PLEKHO1: variants seen among roughly 807,000 people sequenced by gnomAD.
PLEKHO1 encodes pleckstrin homology domain-containing family O member 1.
A neutral mutation model predicts 41.4 loss-of-function variants in PLEKHO1; 22 were observed. The ratio of observed to expected loss-of-function variants is 0.53; its 90% CI spans 0.38 to 0.76. PLEKHO1 has a LOEUF of 0.76. PLEKHO1 is among the 30% of genes least tolerant of loss of function. PLEKHO1 has a pLI of 0.00. For synonymous variants in PLEKHO1, 225 were observed against 210.8 expected, an observed-to-expected ratio of 1.07 and a Z score of -0.58; for missense variants, 488 against 518.3, an observed-to-expected ratio of 0.94 and a Z score of 0.57.
chr1:150,150,944 G>T lies in PLEKHO1; in HGVS notation c.63G>T (p.Pro21=), dbSNP rs1203620092. ...AGGATGGAAACCAGCAGCCTGCACC[G>T]CCCGAGAAGGTCGGCTGGGTCCGGA... is the stretch of plus-strand genomic sequence containing the variant. ...GPQDGNQQPA[P]PEKVGWVRKF... The change falls in exon 2 of 6, where the codon CCG becomes CCT. Residue 21 remains proline, a synonymous_variant. Transcript: ENST00000369124. 1.2e-6 allele frequency: 2 copies of T among 1,613,908 alleles called. No homozygotes were observed. Among genetic ancestry groups the T allele is most frequent in the Admixed American group, 1.7e-5 (1 of 60,012 alleles).
In PLEKHO1 at chr1:150,158,991, C is replaced by G; in HGVS notation, c.698C>G (p.Ser233Cys). 1 of 1,614,206 alleles carries G rather than the reference C, an allele frequency of 6.2e-7. No individual in the cohort carries two copies. The highest frequency in any genetic ancestry group is 2.2e-5 in the East Asian group (1 of 44,876). The change falls in exon 6 of 6, where the codon TCC (serine) becomes TGC (cysteine). Residue 233 changes from serine (S) to cysteine (C), a missense_variant. Physicochemically the swap from Ser to Cys is moderately radical, Grantham distance 112 (BLOSUM62 -1). Coordinates refer to ENST00000369124, the MANE Select transcript of PLEKHO1 (RefSeq NM_016274.6). The part of the protein sequence containing the change: ...RRADSDRIQP[S>C]ADRASSLSRP... ...GCGGACTCAGACCGCATCCAGCCCT[C>G]CGCAGACCGGGCAAGCAGTCTCTCC...
chr1:150,155,908 T>C (rs1337711077), intron 2 of PLEKHO1, 158 bp from the exon 3 acceptor site: 2 of 659,968 alleles, frequency 3.0e-6, no homozygotes, highest in Non-Finnish European at 5.3e-6. Flanking sequence ...CTCCTCGATG[T>C]GAGGACCTTG....
Position 150,158,810 on chromosome 1 carries a change from C to T in PLEKHO1, c.526-9C>T. 4.4e-6 allele frequency: 7 copies of T among 1,578,354 alleles called. No homozygotes were observed. The highest frequency in any genetic ancestry group is 5.2e-6 in the Non-Finnish European group (6 of 1,154,282). ...CAGGTTCCCCACTCATTCCCCCCTT[C>T]CTCCACAGGCTTCCACCTCTACCTC... On this transcript the variant is annotated splice_polypyrimidine_tract_variant and intron_variant, in intron 5 of 5. Transcript: ENST00000369124.
rs1553821122 is a variant in PLEKHO1, at chr1:150,158,881, C to G, written c.588C>G (p.Ser196=). The change falls in exon 6 of 6, where the codon TCC becomes TCG. Residue 196 remains serine (S), a synonymous_variant. Coordinates refer to ENST00000369124, the MANE Select transcript of PLEKHO1 (RefSeq NM_016274.6). ...ACTTGATCCAAGAGGAAGACCCTTC[C>G]CCTGAGGAACCAACCTCTTGTGCTG... ...TLDLIQEEDP[S]PEEPTSCAES... is the part of the protein sequence containing the mutation. The G allele has an allele frequency of 6.2e-7, 1 of 1,614,038 alleles. No individual in the cohort carries two copies. Among genetic ancestry groups the G allele is most frequent in the Non-Finnish European group, 8.5e-7 (1 of 1,179,940 alleles).
Position 150,159,489 on chromosome 1 carries a change from C to A in PLEKHO1, c.1196C>A (p.Thr399Asn), listed in dbSNP as rs587719580. The A allele has an allele frequency of 9.9e-6, 16 of 1,612,566 alleles. No homozygotes were observed. In the African/African-American group the frequency reaches 2.0e-4, roughly 20 times the overall value. Residue 399 changes from threonine to asparagine, a missense_variant, in exon 6 of 6, where the codon ACC becomes AAC. Around this residue, in one of 3 missense-constraint regions of PLEKHO1, gnomAD observed 337 missense variants for 324.6 expected, o/e 1.04. Transcript: ENST00000369124. ...CCGGACTCCCACCTCAGACAGACCA[C>A]CCCGCACAGTCAGTACCGGAAGAGC... ...QTPDSHLRQT[T>N]PHSQYRKSLM is the part of the protein sequence containing the mutation.
At position 150,151,434 on chromosome 1, in the gene PLEKHO1, G is replaced by GTCC. The variant is rs1476110253; in HGVS notation, c.177+377_177+379dup. Among the ~76,000 whole-genome samples the GTCC allele has an allele frequency of 3.9e-5, 6 of 152,016 alleles. No homozygotes were observed. In the East Asian group the frequency reaches 1.2e-3, roughly 29 times the overall value. On this transcript the variant is annotated intron_variant, in intron 2 of 5. Coordinates refer to ENST00000369124, the MANE Select transcript of PLEKHO1 (RefSeq NM_016274.6). The stretch of plus-strand genomic sequence containing the variant: ...TTTAGCCTATTCGCCACCCCTTCCT[G>GTCC]TCCCCCCACCTTAACCCAGCCAGCC...
chr1:150,158,215 G>C (rs1660258407), intron 5 of PLEKHO1, among the ~76,000 whole-genome samples: 1 of 152,194 alleles, frequency 6.6e-6, no homozygotes, highest in South Asian at 2.1e-4. Flanking sequence ...GTGTGCATCA[G>C]ATGCAGTTTA....
chr1:150,156,085 T>C lies in PLEKHO1; in HGVS notation c.197T>C (p.Ile66Thr). The change falls in exon 3 of 6, where the codon ATT (isoleucine) becomes ACT (threonine). Residue 66 changes from isoleucine to threonine, a missense_variant. Ile to Thr is a moderately conservative substitution (Grantham distance 89, BLOSUM62 -1). Coordinates refer to ENST00000369124, the MANE Select transcript of PLEKHO1 (RefSeq NM_016274.6). ...CCCTAGGTAAAAGATGAGAAAAATATTCAAGAGGTATTTGACCTGAGTGAC... is the reference window on the plus strand; with the variant it reads ...CCCTAGGTAAAAGATGAGAAAAATACTCAAGAGGTATTTGACCTGAGTGAC... ...SEKEVKDEKN[I>T]QEVFDLSDYE... 1 of 1,613,512 alleles carries C rather than the reference T, an allele frequency of 6.2e-7. No homozygotes were observed. Among genetic ancestry groups the C allele is most frequent in the African/African-American group, 1.3e-5 (1 of 74,996 alleles).
chr1:150,153,543 GA>G (rs1158998565), intron 2 of PLEKHO1: 1 of 151,654 alleles, frequency 6.6e-6, no homozygotes, highest in Non-Finnish European at 1.5e-5. Context: ...GTTAATGCAA[GA>G]AAATTTCTAA....
chr1:150,157,912 T>C (rs1660243605), intron 5 of PLEKHO1, among the ~76,000 whole-genome samples: 1 of 152,198 alleles, frequency 6.6e-6, no homozygotes, highest in South Asian at 2.1e-4. Context: ...GCAGGTATAA[T>C]GCAGAGAACA....
In PLEKHO1 at chr1:150,150,978, G is replaced by C; in HGVS notation, c.97G>C (p.Gly33Arg). The change falls in exon 2 of 6, where the codon GGG (glycine) becomes CGG (arginine). Residue 33 changes from glycine to arginine, a missense_variant. By Grantham distance (125) the Gly-to-Arg change is moderately radical (BLOSUM62 -2). This residue lies in a region of PLEKHO1 where 92 missense variants were observed against 82.3 expected (regional missense o/e 1.12). Coordinates refer to ENST00000369124, the MANE Select transcript of PLEKHO1 (RefSeq NM_016274.6). ...GGTCGGCTGGGTCCGGAAATTCTGC[G>C]GGAAAGGGATTTTCAGGGAGATTTG... ...EKVGWVRKFC[G>R]KGIFREIWKN... is the part of the protein sequence containing the mutation. The C allele has an allele frequency of 6.2e-7, 1 of 1,614,140 alleles. No homozygotes were observed. Among genetic ancestry groups the C allele is most frequent in the South Asian group, 1.1e-5 (1 of 91,074 alleles).
chr1:150,159,826 G>A lies in PLEKHO1; in HGVS notation c.*303G>A, dbSNP rs782395428. On this transcript the variant is annotated 3_prime_UTR_variant, in exon 6 of 6. Transcript: ENST00000369124. ...TCCACACACCGCCCGCCCCCAAGAC[G>A]GCACAGGGAGTCCACTGCTGCTCCC... The A allele has an allele frequency of 3.9e-5, 10 of 259,448 alleles. 1 individual carries two copies. Among genetic ancestry groups the A allele is most frequent in the South Asian group, 2.0e-4 (2 of 10,100 alleles). 16.1% of individuals were successfully genotyped at this position (259,448 alleles called of 1,614,324 possible).
Position 150,156,184 on chromosome 1 carries a change from A to C in PLEKHO1, c.296A>C (p.His99Pro). 2 of 1,613,596 alleles carry C rather than the reference A, an allele frequency of 1.2e-6. No individual in the cohort carries two copies. The highest frequency in any genetic ancestry group is 1.7e-6 in the Non-Finnish European group (2 of 1,179,828). The change falls in exon 3 of 6, where the codon CAC (histidine) becomes CCC (proline). Residue 99 changes from histidine (H) to proline (P), a missense_variant. By Grantham distance (77) the His-to-Pro change is moderately conservative. Around this residue, in one of 3 missense-constraint regions of PLEKHO1, gnomAD observed 59 missense variants for 111.5 expected, o/e 0.53. Coordinates refer to ENST00000369124, the MANE Select transcript of PLEKHO1 (RefSeq NM_016274.6). ...AATCATAGCAAGTTTACTCTTGCCC[A>C]CTCCAAACAGCCCGGTAACACGGTA... ...KKNHSKFTLAHSKQPGNTAPN... is the reference protein window; with the variant it reads ...KKNHSKFTLAPSKQPGNTAPN...
At position 150,151,010 on chromosome 1, in the gene PLEKHO1, C is replaced by A; in HGVS notation, c.129C>A (p.Asn43Lys). Residue 43 changes from asparagine to lysine, a missense_variant, in exon 2 of 6, where the codon AAC becomes AAA. Around this residue, in one of 3 missense-constraint regions of PLEKHO1, gnomAD observed 92 missense variants for 82.3 expected, o/e 1.12. Coordinates refer to ENST00000369124, the MANE Select transcript of PLEKHO1 (RefSeq NM_016274.6). ...GKGIFREIWK[N>K]RYVVLKGDQL... The stretch of plus-strand genomic sequence containing the variant: ...GGATTTTCAGGGAGATTTGGAAAAA[C>A]CGCTATGTGGTGCTGAAAGGGGACC... 1 of 1,614,150 alleles carries A rather than the reference C, an allele frequency of 6.2e-7. No individual in the cohort carries two copies. Among genetic ancestry groups the A allele is most frequent in the Non-Finnish European group, 8.5e-7 (1 of 1,180,014 alleles).
In PLEKHO1 at chr1:150,159,606, A is replaced by G. The variant is rs907907819; in HGVS notation, c.*83A>G. 1.6e-5 allele frequency: 15 copies of G among 942,722 alleles called. No homozygotes were observed. The African/African-American group carries it at 2.3e-4, about 15-fold the overall frequency. 58.4% of individuals were successfully genotyped at this position (942,722 alleles called of 1,614,324 possible). A position where few individuals can be genotyped will look rare whatever the true frequency, so the allele number is the denominator to read the frequency against. On this transcript the variant is annotated 3_prime_UTR_variant, in exon 6 of 6. Coordinates refer to ENST00000369124, the MANE Select transcript of PLEKHO1 (RefSeq NM_016274.6). ...GGATAAAGCTTTTTTATTTACCTCA[A>G]TCAAAAAAAGAAAACAAAAATGAAC...
At position 150,150,256 on chromosome 1, in the gene PLEKHO1, GAAT is replaced by G. The variant is rs1659826741; in HGVS notation, c.-1_2del. On this transcript the variant is annotated start_lost and 5_prime_UTR_variant, in exon 1 of 6. Coordinates refer to ENST00000369124, the MANE Select transcript of PLEKHO1 (RefSeq NM_016274.6). ...GCCGCCCCGCGCCCGCGCCCGCTGG[GAAT>G]GATGAAGAAGAACAATTCCGCCAAG... The G allele has an allele frequency of 2.7e-6, 3 of 1,108,072 alleles. No individual in the cohort carries two copies. Among genetic ancestry groups the G allele is most frequent in the Non-Finnish European group, 3.3e-6 (3 of 901,506 alleles). 68.6% of individuals were successfully genotyped at this position (1,108,072 alleles called of 1,614,324 possible).
chr1:150,150,171 C>A lies in PLEKHO1; in HGVS notation c.-87C>A. The A allele has an allele frequency of 3.7e-6, 2 of 546,744 alleles. No individual in the cohort carries two copies. The highest frequency in any genetic ancestry group is 4.7e-6 in the Non-Finnish European group (2 of 424,406). 33.9% of individuals were successfully genotyped at this position (546,744 alleles called of 1,614,324 possible). A position where few individuals can be genotyped will look rare whatever the true frequency, so the allele number is the denominator to read the frequency against. ...CGCCGGGGCAGCTCCGACGCCCTCC[C>A]GCGGGGAAGGAGCCCCCGCGGTGCC... On this transcript the variant is annotated 5_prime_UTR_variant, in exon 1 of 6. Coordinates refer to ENST00000369124, the MANE Select transcript of PLEKHO1 (RefSeq NM_016274.6).
chr1:150,150,029 G>A lies in PLEKHO1; in HGVS notation c.-229G>A, dbSNP rs1659807137. 2 of 155,736 alleles carry A rather than the reference G, an allele frequency of 1.3e-5. No individual in the cohort carries two copies. Among genetic ancestry groups the A allele is most frequent in the Admixed American group, 6.6e-5 (1 of 15,220 alleles). 9.6% of individuals were successfully genotyped at this position (155,736 alleles called of 1,614,324 possible). A position where few individuals can be genotyped will look rare whatever the true frequency, so the allele number is the denominator to read the frequency against. ...GGGATGGAGGGCGCCAAGGGGCGGG[G>A]AGCGGGCGTGCGTGTGTGTGCGAGT... On this transcript the variant is annotated 5_prime_UTR_variant, in exon 1 of 6. Coordinates refer to ENST00000369124, the MANE Select transcript of PLEKHO1 (RefSeq NM_016274.6).
chr1:150,151,777 C>T (rs782161437), intron 2 of PLEKHO1, among the ~76,000 whole-genome samples: 8 of 152,224 alleles, frequency 5.3e-5, no homozygotes, highest in Non-Finnish European at 8.8e-5. Context: ...CCATGAAAAC[C>T]ACAGTCTACA....
Sources: gnomAD v4.1 joint callset for allele counts (sites outside exome capture counted in the v4.1 genomes callset) on GRCh38, gnomAD v4.1.1 for gene constraint, gnomAD v4.1.1 regional missense constraint, MANE v1.5 for transcripts, NCBI Gene and HGNC (gene_info 2026-07-23, HGNC 2026-07-21) for gene names.